TUT4: variants seen among roughly 807,000 people sequenced by gnomAD.
TUT4 encodes the protein terminal uridylyltransferase 4.
TUT4 carries 36 observed loss-of-function variants against 192.2 expected under a neutral mutation model. The observed-to-expected ratio is 0.19, with a 90% CI of 0.14 to 0.25. The LOEUF is 0.25. Among genes scored for constraint, TUT4 ranks in the 10% least tolerant of loss-of-function variants. TUT4 has a pLI of 1.00. For synonymous variants in TUT4, 618 were observed against 666.0 expected, an observed-to-expected ratio of 0.93 and a Z score of 1.11; for missense variants, 1,493 against 1,957.2, an observed-to-expected ratio of 0.76 and a Z score of 4.47.
intron 20 of TUT4, among the ~76,000 whole-genome samples, chr1:52,453,367 A>C (rs1371493179): frequency 2.6e-5 from 4 of 151,570 alleles, no homozygotes; most frequent in African/African-American, 9.7e-5. Flanking sequence ...GGGTGACAAG[A>C]GCGAAACTCC....
intron 24 of TUT4, among the ~76,000 whole-genome samples, chr1:52,443,621 A>C (rs2148405471): frequency 6.6e-6 from 1 of 151,746 alleles, no homozygotes; most frequent in South Asian, 2.1e-4. Context: ...CATGGGGCTG[A>C]GCATGGTGGC....
At chr1:52,489,534 A>G (rs186372668) in intron 8 of TUT4, among the ~76,000 whole-genome samples, 134 of 152,340 alleles carry the variant, frequency 8.8e-4, no homozygotes, top group African/African-American at 3.1e-3. Flanking sequence ...TTATTTTCAG[A>G]GTAAAGATTA....
intron 3 of TUT4, among the ~76,000 whole-genome samples, chr1:52,511,485 G>A (rs1042670879): frequency 1.3e-5 from 2 of 152,178 alleles, no homozygotes; most frequent in African/African-American, 2.4e-5. Flanking sequence ...TACAGTGTAA[G>A]GAGACAGGTA....
chr1:52,436,736 T>G lies in TUT4; in HGVS notation c.4162+19A>C, dbSNP rs1307473997. 9 of 1,612,106 alleles carry G rather than the reference T, an allele frequency of 5.6e-6. No homozygotes were observed. Among genetic ancestry groups the G allele is most frequent in the Non-Finnish European group, 6.8e-6 (8 of 1,179,794 alleles). ...GACTTCGTTTCTACCAGAAACTATGTTTGGCCTTTTCTATTTACCTGCCAC... is the reference window on the plus strand; with the variant it reads ...GACTTCGTTTCTACCAGAAACTATGGTTGGCCTTTTCTATTTACCTGCCAC... On this transcript the variant is annotated intron_variant, in intron 26 of 29. Coordinates refer to ENST00000257177, the MANE Select transcript of TUT4 (RefSeq NM_001009881.3).
intron 6 of TUT4, among the ~76,000 whole-genome samples, chr1:52,494,681 G>A (rs963756048): frequency 4.6e-5 from 7 of 152,108 alleles, no homozygotes; most frequent in East Asian, 3.9e-4. Flanking sequence ...AACAAAGTGA[G>A]GTTATGTCTC....
In TUT4 at chr1:52,475,876, GCT is replaced by G. The variant is rs1570714234; in HGVS notation, c.2024-343_2024-342del. Among the ~76,000 whole-genome samples, 4 of 151,342 alleles carry G rather than the reference GCT, an allele frequency of 2.6e-5. No individual in the cohort carries two copies. In the East Asian group the frequency reaches 7.8e-4, roughly 29 times the overall value. ...TTTTTTTCTTTTGAGATGGAGTCTT[GCT>G]CTGTCCCCCAAGCTGGAGTACAGTG... On this transcript the variant is annotated intron_variant, in intron 12 of 29. Coordinates refer to ENST00000257177, the MANE Select transcript of TUT4 (RefSeq NM_001009881.3).
chr1:52,470,181 CCAAA>C (rs1452362043), intron 14 of TUT4, among the ~76,000 whole-genome samples: 2 of 151,470 alleles, frequency 1.3e-5, no homozygotes, highest in African/African-American at 2.4e-5. Flanking sequence ...GTGTTAAAAC[CCAAA>C]CAAACAAAAA....
intron 20 of TUT4, among the ~76,000 whole-genome samples, chr1:52,453,708 G>A (rs190769096): frequency 6.6e-6 from 1 of 152,136 alleles, no homozygotes. Flanking sequence ...TTCAACATCT[G>A]GGAAGTCTTA....
chr1:52,499,362 C>T (rs1673465388), intron 4 of TUT4, among the ~76,000 whole-genome samples: 1 of 152,096 alleles, frequency 6.6e-6, no homozygotes, highest in African/African-American at 2.4e-5. Flanking sequence ...CGTGCCATTG[C>T]ACTCCAGCCT....
intron 13 of TUT4, among the ~76,000 whole-genome samples, chr1:52,473,095 G>GA (rs972959723): frequency 1.3e-4 from 20 of 151,632 alleles, no homozygotes; most frequent in Non-Finnish European, 1.9e-4. Context: ...AAGTTTCCAG[G>GA]AAAAAAAGTA....
chr1:52,517,909 A>G (rs1679134539), intron 2 of TUT4, among the ~76,000 whole-genome samples: 1 of 152,236 alleles, frequency 6.6e-6, no homozygotes, highest in South Asian at 2.1e-4. Context: ...GGTAACCAAC[A>G]TCAGCAAATC....
At chr1:52,490,224 C>T (rs2149075496) in intron 8 of TUT4, among the ~76,000 whole-genome samples, 1 of 146,608 alleles carries the variant, frequency 6.8e-6, no homozygotes, top group East Asian at 2.1e-4. Context: ...AATCACGGCT[C>T]ACTGCAGCCT....
intron 12 of TUT4, among the ~76,000 whole-genome samples, chr1:52,477,403 T>C (rs907515424): frequency 6.6e-6 from 1 of 151,794 alleles, no homozygotes; most frequent in African/African-American, 2.4e-5. Context: ...GAGACCCCCA[T>C]CTCTACAAAA....
Position 52,481,516 on chromosome 1 carries a change from C to T in TUT4, c.1755G>A (p.Glu585=), listed in dbSNP as rs1405798463. 6.2e-7 allele frequency: 1 copy of T among 1,613,816 alleles called. No homozygotes were observed. Among genetic ancestry groups the T allele is most frequent in the Admixed American group, 1.7e-5 (1 of 60,002 alleles). ...GTTGGTCTGCCTTAGCTTTGTTTTC[C>T]TCAGCAATTGAGTTTTTCTCAGTTG... The part of the protein sequence containing the change: ...SSATEKNSIA[E]ENKAKADQPK... Residue 585 remains glutamate (E), a synonymous_variant, in exon 11 of 30, where the codon GAG becomes GAA. Coordinates refer to ENST00000257177, the MANE Select transcript of TUT4 (RefSeq NM_001009881.3).
Position 52,487,558 on chromosome 1 carries a change from T to C in TUT4, c.1515+1351A>G, listed in dbSNP as rs535270291. ...AGAGTATAAGATAAATGAGAGGAAG[T>C]AGTCACCCTCCCTCAACCTATTTTA... On this transcript the variant is annotated intron_variant, in intron 9 of 29. Transcript: ENST00000257177. Among the ~76,000 whole-genome samples the C allele has an allele frequency of 7.9e-5, 12 of 152,176 alleles. No homozygotes were observed. The East Asian group carries it at 2.1e-3, about 27-fold the overall frequency.
intron 1 of TUT4, among the ~76,000 whole-genome samples, chr1:52,535,572 A>G (rs774070654): frequency 3.3e-5 from 5 of 152,310 alleles, no homozygotes; most frequent in African/African-American, 7.2e-5. Flanking sequence ...CAACATATGC[A>G]TAATAGGAGT....
chr1:52,465,885 T>G (rs935562713), intron 15 of TUT4, among the ~76,000 whole-genome samples: 2 of 152,104 alleles, frequency 1.3e-5, no homozygotes, highest in Non-Finnish European at 2.9e-5. Context: ...TTTTTTTTTT[T>G]TAGAGACAGG....
chr1:52,455,660 G>A (rs1195978733), intron 20 of TUT4, among the ~76,000 whole-genome samples: 1 of 139,156 alleles, frequency 7.2e-6, no homozygotes, highest in Non-Finnish European at 1.6e-5. Context: ...GGGGAGGGCA[G>A]GGGAGGGGGG....
In TUT4 at chr1:52,431,222, A is replaced by G; in HGVS notation, c.4502T>C (p.Ile1501Thr). The change falls in exon 28 of 30, where the codon ATC becomes ACC. Residue 1501 changes from isoleucine to threonine, a missense_variant. Transcript: ENST00000257177. ...ATGGATGGGCCAGGACGGGGCAGGG[A>G]TCTGGAGAGGGTGCATTGGCAACAA... Reference protein sequence around the residue: ...MGLLPMHPLQIPAPSWPIHGP... With the variant: ...MGLLPMHPLQTPAPSWPIHGP... 1 of 1,614,154 alleles carries G rather than the reference A, an allele frequency of 6.2e-7. No homozygotes were observed. The highest frequency in any genetic ancestry group is 8.5e-7 in the Non-Finnish European group (1 of 1,180,016).
Sources: gnomAD v4.1 joint callset for allele counts (sites outside exome capture counted in the v4.1 genomes callset) on GRCh38, gnomAD v4.1.1 for gene constraint, MANE v1.5 for transcripts, NCBI Gene and HGNC (gene_info 2026-07-23, HGNC 2026-07-21) for gene names.